Variants in NFIC observed in about 807,000 individuals in gnomAD.
NFIC encodes the protein nuclear factor I C.
A neutral mutation model predicts 54.4 loss-of-function variants in NFIC; 12 were observed. The ratio of observed to expected loss-of-function variants is 0.22; its 90% confidence interval spans 0.14 to 0.36. The LOEUF (loss-of-function observed/expected upper bound fraction) is 0.36. NFIC is among the 10% of genes least tolerant of loss of function. NFIC has a pLI of 1.00. For missense variants in NFIC, 575 were observed against 718.2 expected (o/e 0.80, Z 2.28); for synonymous variants, 322 against 319.2 (o/e 1.01, Z -0.09).
Position 3,467,789 on chromosome 19 carries a change from A to ATATATATATATATATATATAT in NFIC, c.*5020_*5021insTATATATATATATATATATAT, listed in dbSNP as rs1176215106. 276 of 129,148 alleles carry ATATATATATATATATATATAT rather than the reference A, an allele frequency of 2.1e-3. No individual in the cohort carries two copies. The highest frequency in any genetic ancestry group is 3.3e-3 in the African/African-American group (105 of 31,952). The allele number at this position is 129,148 out of a possible 1,614,324, so 8.0% of individuals were successfully genotyped here. ...TATATATATATATATATATATATAT[A>ATATATATATATATATATATAT]ATTTTGGAATTTGTTTCTCATAATA... On this transcript the variant is annotated 3_prime_UTR_variant, in exon 11 of 11. Transcript: ENST00000443272.
upstream of NFIC, among the ~76,000 whole-genome samples, chr19:3,364,017 C>T (rs776087774): frequency 1.6e-4 from 24 of 152,202 alleles, no homozygotes; most frequent in East Asian, 7.7e-4. Context: ...ATTACTAAAC[C>T]GGTCCCCCAC....
At chr19:3,429,938 C>G (rs773126448) in intron 3 of NFIC, among the ~76,000 whole-genome samples, 1 of 152,150 alleles carries the variant, frequency 6.6e-6, no homozygotes, top group Non-Finnish European at 1.5e-5. Flanking sequence ...GCGCTGTTCT[C>G]GGAGCTTTGC....
chr19:3,426,637 TG>T (rs1024244949), intron 3 of NFIC, among the ~76,000 whole-genome samples: 2 of 152,090 alleles, frequency 1.3e-5, no homozygotes, highest in African/African-American at 2.4e-5. Context: ...GTCCTCCCTG[TG>T]GCCCACAAGG....
intron 2 of NFIC, among the ~76,000 whole-genome samples, chr19:3,391,265 C>T (rs2081372931): frequency 1.3e-5 from 2 of 151,558 alleles, no homozygotes; most frequent in Admixed American, 1.3e-4. Flanking sequence ...AGAACCACCC[C>T]CACCAAAAAA....
intron 3 of NFIC, among the ~76,000 whole-genome samples, chr19:3,427,290 A>G (rs893119429): frequency 3.3e-5 from 5 of 151,754 alleles, no homozygotes; most frequent in African/African-American, 1.2e-4. Context: ...TTGCCTATGG[A>G]TTTGCTTAGT....
chr19:3,414,145 G>C (rs979387939), intron 2 of NFIC, among the ~76,000 whole-genome samples: 10 of 152,090 alleles, frequency 6.6e-5, no homozygotes, highest in Non-Finnish European at 1.5e-5. Flanking sequence ...AGAAATCCAG[G>C]CTCAGAGATG....
At position 3,429,251 on chromosome 19, in the gene NFIC, TATACACACACAC is replaced by T. The variant is rs1167213479; in HGVS notation, c.634+4076_634+4087del. 5.5e-3 allele frequency among the ~76,000 whole-genome samples: 153 copies of T among 27,584 alleles called. 14 individuals carry two copies. The highest frequency in any genetic ancestry group is 0.019 in the African/African-American group (150 of 7,722). The allele number at this position is 27,584 out of a possible 152,430, so 18.1% of individuals were successfully genotyped here. ...TACCCCAAAAAAAAAAAAAAAAATA[TATACACACACAC>T]ACACACACACACACACACACACACA... On this transcript the variant is annotated intron_variant, in intron 3 of 10. Coordinates refer to ENST00000443272, the MANE Select transcript of NFIC (RefSeq NM_001245002.2).
Position 3,429,231 on chromosome 19 carries a change from C to CCA in NFIC, c.634+4054_634+4055insCA, listed in dbSNP as rs1413610827. Among the ~76,000 whole-genome samples, 45 of 36,730 alleles carry CCA rather than the reference C, an allele frequency of 1.2e-3. 2 individuals are homozygous for CCA. Among genetic ancestry groups the CCA allele is most frequent in the African/African-American group, 5.1e-3 (42 of 8,316 alleles). 24.1% of individuals were successfully genotyped at this position (36,730 alleles called of 152,430 possible). A position where few individuals can be genotyped will look rare whatever the true frequency, so the allele number is the denominator to read the frequency against. The stretch of plus-strand genomic sequence containing the variant: ...ATATAGCAAGACCCTATCTCTACCC[C>CCA]AAAAAAAAAAAAAAAAATATATACA... On this transcript the variant is annotated intron_variant, in intron 3 of 10. Coordinates refer to ENST00000443272, the MANE Select transcript of NFIC (RefSeq NM_001245002.2).
intron 3 of NFIC, among the ~76,000 whole-genome samples, chr19:3,432,670 C>CTTT (rs33968415): frequency 1.5e-5 from 2 of 129,500 alleles, no homozygotes; most frequent in Non-Finnish European, 3.2e-5. Flanking sequence ...GCTTTCCGCT[C>CTTT]TTTTTTTTTT....
intron 6 of NFIC, among the ~76,000 whole-genome samples, chr19:3,438,665 C>T (rs567511567): frequency 2.6e-5 from 4 of 152,048 alleles, no homozygotes; most frequent in South Asian, 4.1e-4. Context: ...TCTCGATCTC[C>T]TGACCTCGTG....
chr19:3,442,511 G>T (rs8113669), intron 6 of NFIC, among the ~76,000 whole-genome samples: 23,052 of 151,422 alleles, frequency 0.15, 3,382 homozygotes, highest in African/African-American at 0.38. Flanking sequence ...CTCGCAAATA[G>T]CTGGGACTGG....
intron 2 of NFIC, among the ~76,000 whole-genome samples, chr19:3,395,840 C>T (rs146118549): frequency 0.011 from 1,744 of 152,096 alleles, 24 homozygotes; most frequent in Non-Finnish European, 0.012. Context: ...GCCACCACAC[C>T]GGCTAATTTT....
chr19:3,434,176 C>T, intron 4 of NFIC, 101 bp from the exon 5 acceptor site: 1 of 1,468,962 alleles, frequency 6.8e-7, no homozygotes, highest in Non-Finnish European at 9.0e-7. Flanking sequence ...GGAAGGGGGT[C>T]CCCCTTTGGA....
intron 1 of NFIC, chr19:3,359,776 A>AG: frequency 8.0e-7 from 1 of 1,247,944 alleles, no homozygotes; most frequent in Non-Finnish European, 1.0e-6. Context: ...CTGGGGGGAC[A>AG]GGGGGCGGGG....
At chr19:3,440,035 G>A (rs1599694797) in intron 6 of NFIC, among the ~76,000 whole-genome samples, 2 of 152,234 alleles carry the variant, frequency 1.3e-5, no homozygotes, top group East Asian at 1.9e-4. Context: ...TGGACTTTAC[G>A]TAAAGCACGC....
chr19:3,429,253 T>TACACACACACACACACACACAAACAC (rs2082082113), intron 3 of NFIC, among the ~76,000 whole-genome samples: 2 of 50,798 alleles, frequency 3.9e-5, no homozygotes, highest in Non-Finnish European at 6.6e-5. Flanking sequence ...AAAAAATATA[T>TACACACACACACACACACACAAACAC]ACACACACAC....
At chr19:3,381,026 G>A (rs533335507) in intron 1 of NFIC, among the ~76,000 whole-genome samples, 1 of 152,076 alleles carries the variant, frequency 6.6e-6, no homozygotes, top group African/African-American at 2.4e-5. Flanking sequence ...TTACCCGTCT[G>A]TACAATGGGT....
At chr19:3,445,522 C>G (rs557196713) in intron 6 of NFIC, among the ~76,000 whole-genome samples, 1 of 152,196 alleles carries the variant, frequency 6.6e-6, no homozygotes, top group Non-Finnish European at 1.5e-5. Context: ...CCTCCAGAGC[C>G]GGGTGTTCCC....
chr19:3,407,166 T>G (rs1218634861), intron 2 of NFIC, among the ~76,000 whole-genome samples: 1 of 151,952 alleles, frequency 6.6e-6, no homozygotes, highest in Non-Finnish European at 1.5e-5. Flanking sequence ...CAGGCTGGAG[T>G]GCAGTGGTGC....
Sources: gnomAD v4.1 joint callset for allele counts (sites outside exome capture counted in the v4.1 genomes callset) on GRCh38, gnomAD v4.1.1 for gene constraint, MANE v1.5 for transcripts, NCBI Gene and HGNC (gene_info 2026-07-23, HGNC 2026-07-21) for gene names.